Variants in MYOM2 observed in about 807,000 individuals in gnomAD.
MYOM2 encodes the protein myomesin 2, also known as myomesin-2.
In MYOM2, 254 loss-of-function variants were observed where a neutral mutation model predicts 187.6. The observed-to-expected ratio is 1.35, with a 90% confidence interval of 1.22 to 1.50. The LOEUF is 1.50. MYOM2 is among the 40% of genes most tolerant of loss of function. The probability of loss-of-function intolerance (pLI) is 0.00; values close to 1 mark genes in which losing one functional copy is unlikely to be tolerated. For synonymous variants in MYOM2, 981 were observed against 753.8 expected (o/e 1.30, Z -4.94); for missense variants, 2,796 against 1,924.0 (o/e 1.45, Z -8.48).
intron 25 of MYOM2, among the ~76,000 whole-genome samples, chr8:2,115,086 A>G (rs1797194662): frequency 6.6e-6 from 1 of 152,000 alleles, no homozygotes; most frequent in Non-Finnish European, 1.5e-5. Context: ...TTTAAGTATT[A>G]ATATTAATTT....
intron 10 of MYOM2, 66 bp from the exon 11 acceptor site, chr8:2,076,075 A>C: frequency 1.3e-6 from 2 of 1,493,710 alleles, no homozygotes; most frequent in Non-Finnish European, 1.8e-6. Flanking sequence ...AGGAGCTGTA[A>C]ACAGGCTTTG....
At position 2,094,087 on chromosome 8, in the gene MYOM2, A is replaced by G. The variant is rs767731468; in HGVS notation, c.2121A>G (p.Ala707=). Residue 707 remains alanine, a synonymous_variant, in exon 17 of 37, where the codon GCA becomes GCG. Coordinates refer to ENST00000262113, the MANE Select transcript of MYOM2 (RefSeq NM_003970.4). ...QESDVIKVQA[A]LTVPSHPYGI... is the part of the protein sequence containing the mutation. Reference sequence around the variant, plus strand: ...CAGACGTCATAAAAGTGCAGGCCGCACTCAGTAAGTCACTCACAGGCTGTT... The same window carrying G: ...CAGACGTCATAAAAGTGCAGGCCGCGCTCAGTAAGTCACTCACAGGCTGTT... 1 of 1,614,116 alleles carries G rather than the reference A, an allele frequency of 6.2e-7. No individual in the cohort carries two copies. The highest frequency in any genetic ancestry group is 2.2e-5 in the East Asian group (1 of 44,880).
At chr8:2,124,414 G>T (rs1449796576) in intron 31 of MYOM2, among the ~76,000 whole-genome samples, 197 bp downstream of exon 31, 2 of 152,174 alleles carry the variant, frequency 1.3e-5, no homozygotes, top group African/African-American at 4.8e-5. Flanking sequence ...TTTGTCTGGA[G>T]TTTGAGTTTT....
At chr8:2,103,120 ATGGG>A (rs60144084) in intron 21 of MYOM2, among the ~76,000 whole-genome samples, 87,896 of 149,360 alleles carry the variant, frequency 0.59, 25,882 homozygotes, top group African/African-American at 0.66. Context: ...GTGTTCATGT[ATGGG>A]TGGGTGGGTG....
At chr8:2,075,013 G>C (rs1342656556) in intron 10 of MYOM2, among the ~76,000 whole-genome samples, 2 of 152,250 alleles carry the variant, frequency 1.3e-5, no homozygotes, top group Admixed American at 6.5e-5. Context: ...AGCTCCAGTG[G>C]GGTGCAGGAC....
At chr8:2,089,199 A>T (rs541756445) in intron 14 of MYOM2, among the ~76,000 whole-genome samples, 1 of 17,200 alleles carries the variant, frequency 5.8e-5, no homozygotes, top group African/African-American at 8.7e-5. Context: ...TTTTATCTCT[A>T]TGTGAAAAAA....
At chr8:2,134,201 T>C (rs1797976780) in intron 32 of MYOM2, among the ~76,000 whole-genome samples, 1 of 152,174 alleles carries the variant, frequency 6.6e-6, no homozygotes, top group Admixed American at 6.5e-5. Context: ...ATGTTGTGAT[T>C]AGGTGTCCTG....
At chr8:2,137,611 T>C (rs1798126684) in intron 32 of MYOM2, among the ~76,000 whole-genome samples, 1 of 151,960 alleles carries the variant, frequency 6.6e-6, no homozygotes, top group Non-Finnish European at 1.5e-5. Context: ...CCCTCATCAG[T>C]TCCAACAAGA....
intron 33 of MYOM2, 102 bp from the exon 34 acceptor site, chr8:2,141,035 TTATA>T: frequency 7.5e-7 from 1 of 1,336,508 alleles, no homozygotes; most frequent in East Asian, 2.5e-5. Context: ...TATTCTTTTT[TTATA>T]TATCAGTTTT....
chr8:2,085,295 G>T lies in MYOM2; in HGVS notation c.1549G>T (p.Val517Leu). The change falls in exon 14 of 37, where the codon GTG (valine) becomes TTG (leucine). Residue 517 changes from valine to leucine, a missense_variant. By Grantham distance (32) the Val-to-Leu change is conservative. Transcript: ENST00000262113. ...CCAGGTTCCAGGGCCTCCCACCGGT[G>T]TGCACGCTTCCGAGATCAGCAGAAA... ...DAQVPGPPTGVHASEISRNYV... is the reference protein window; with the variant it reads ...DAQVPGPPTGLHASEISRNYV... The T allele has an allele frequency of 1.2e-6, 2 of 1,614,176 alleles. No individual in the cohort carries two copies. Among genetic ancestry groups the T allele is most frequent in the Non-Finnish European group, 1.7e-6 (2 of 1,180,038 alleles).
At chr8:2,142,519 A>G in intron 35 of MYOM2, 122 bp downstream of exon 35, 3 of 954,164 alleles carry the variant, frequency 3.1e-6, no homozygotes, top group Non-Finnish European at 5.1e-6. Flanking sequence ...ACCCTGATGT[A>G]ACAACGCCAC....
At chr8:2,070,715 G>A (rs561729082) in intron 8 of MYOM2, among the ~76,000 whole-genome samples, 1 of 152,190 alleles carries the variant, frequency 6.6e-6, no homozygotes, top group Non-Finnish European at 1.5e-5. Context: ...TTCACCACCC[G>A]TGTTTGACAG....
chr8:2,114,506 C>T (rs1192175851), intron 25 of MYOM2, among the ~76,000 whole-genome samples: 1 of 152,170 alleles, frequency 6.6e-6, no homozygotes, highest in Non-Finnish European at 1.5e-5. Context: ...CAGAGTCTCA[C>T]TCTGTTGCCC....
chr8:2,097,005 C>A (rs1016566968), intron 18 of MYOM2: 1 of 492,296 alleles, frequency 2.0e-6, no homozygotes, highest in Non-Finnish European at 2.6e-6. Context: ...CTCTGTTTCC[C>A]TGTCCGGCCC....
At chr8:2,076,054 T>G in intron 10 of MYOM2, 87 bp from the exon 11 acceptor site, 2 of 1,309,612 alleles carry the variant, frequency 1.5e-6, no homozygotes, top group Non-Finnish European at 2.1e-6. Flanking sequence ...GGGGATAGAA[T>G]TGGAGCTTGG....
intron 31 of MYOM2, among the ~76,000 whole-genome samples, chr8:2,128,071 C>T (rs755566613): frequency 6.6e-6 from 1 of 152,076 alleles, no homozygotes; most frequent in South Asian, 2.1e-4. Context: ...TATTAACATT[C>T]ACTTTAAAAA....
intron 14 of MYOM2, among the ~76,000 whole-genome samples, chr8:2,086,451 GTGATCTCCACGTGGCCACACACTGTCA>G (rs1195320658): frequency 7.2e-5 from 4 of 55,714 alleles, no homozygotes; most frequent in Non-Finnish European, 1.4e-4. Context: ...CCCTACTGTC[GTGATCTCCACGTGGCCACACACTGTCA>G]TGATCTCTGT....
At chr8:2,086,210 T>A (rs1171163284) in intron 14 of MYOM2, among the ~76,000 whole-genome samples, 7 of 37,856 alleles carry the variant, frequency 1.8e-4, no homozygotes, top group Non-Finnish European at 3.7e-4. Flanking sequence ...GTGGCCCCAC[T>A]GTCATGATCT....
intron 3 of MYOM2, among the ~76,000 whole-genome samples, chr8:2,056,338 C>T (rs1023207645): frequency 9.9e-5 from 15 of 152,098 alleles, no homozygotes; most frequent in African/African-American, 3.6e-4. Flanking sequence ...AGCAGAACAG[C>T]GAGCGTCCTA....
Sources: allele counts gnomAD v4.1 joint callset (sites outside exome capture counted in the v4.1 genomes callset), GRCh38; gene constraint gnomAD v4.1.1; transcripts MANE v1.5; gene names NCBI Gene and HGNC (gene_info 2026-07-23, HGNC 2026-07-21).